Variants in LDHD observed in about 807,000 individuals in gnomAD.
The protein encoded by LDHD is lactate dehydrogenase D, also known as D-lactate dehydrogenase, mitochondrial.
LDHD carries 58 observed loss-of-function variants against 52.9 expected under a neutral mutation model. The ratio of observed to expected loss-of-function variants is 1.10; its 90% confidence interval spans 0.89 to 1.36. The LOEUF is 1.36. Among genes scored for constraint, LDHD ranks in the 40% most tolerant of loss-of-function variants. The pLI is 0.00. For missense variants in LDHD, 747 were observed against 668.0 expected (o/e 1.12, Z -1.30); for synonymous variants, 350 against 288.6 (o/e 1.21, Z -2.16).
In LDHD at chr16:75,114,649, G is replaced by A; in HGVS notation, c.506C>T (p.Ala169Val). Residue 169 changes from alanine to valine, a missense_variant, in exon 5 of 11, where the codon GCC (alanine) becomes GTC (valine). Physicochemically the swap from Ala to Val is moderately conservative, Grantham distance 64 (BLOSUM62 0). Transcript: ENST00000450168. ...GADASLCGMA[A>V]TGASGTNAVR... ...CGCGTTGGTCCCCGACGCCCCGGTG[G>A]CCGCCATGCCACAGAGAGAGGCGTC... The A allele has an allele frequency of 2.0e-6, 3 of 1,530,806 alleles. No individual in the cohort carries two copies. The highest frequency in any genetic ancestry group is 1.2e-5 in the South Asian group (1 of 83,992). 94.8% of individuals were successfully genotyped at this position (1,530,806 alleles called of 1,614,324 possible).
rs780425375 is a variant in LDHD at position 75,113,773 on chromosome 16, C to T, written c.927G>A (p.Gln309=). ...PTLFLEFHGS[Q]QALEEQLQRT... Reference sequence around the variant, plus strand: ...GCTGCAGCTGCTCCTCCAGTGCCTGCTGGGAGCCATGGAACTCCAGGAAGA... The same window carrying T: ...GCTGCAGCTGCTCCTCCAGTGCCTGTTGGGAGCCATGGAACTCCAGGAAGA... Residue 309 remains glutamine, a synonymous_variant, in exon 7 of 11, where the codon CAG becomes CAA. Coordinates refer to ENST00000450168, the MANE Select transcript of LDHD (RefSeq NM_194436.3). 38 of 1,613,852 alleles carry T rather than the reference C, an allele frequency of 2.4e-5. No individual in the cohort carries two copies. The highest frequency in any genetic ancestry group is 3.2e-5 in the Non-Finnish European group (38 of 1,180,030).
At chr16:75,116,292 G>T (rs1288553320) in intron 1 of LDHD, among the ~76,000 whole-genome samples, 1 of 151,974 alleles carries the variant, frequency 6.6e-6, no homozygotes, top group South Asian at 2.1e-4. Context: ...GGCGGGGCGC[G>T]GCGGGGCGGG....
rs2036427185 is a variant in LDHD at position 75,112,686 on chromosome 16, C to A, written c.1205G>T (p.Gly402Val). 6.2e-7 allele frequency: 1 copy of A among 1,613,942 alleles called. No homozygotes were observed. The highest frequency in any genetic ancestry group is 1.7e-5 in the Admixed American group (1 of 60,002). The change falls in exon 10 of 11, where the codon GGC (glycine) becomes GTC (valine). Residue 402 changes from glycine (G) to valine (V), a missense_variant. By Grantham distance (109) the Gly-to-Val change is moderately radical. Transcript: ENST00000450168. ...TGSIVGHVGD[G>V]NFHCILLVNP... The stretch of plus-strand genomic sequence containing the variant: ...GACCAGCAGGATGCAGTGGAAGTTG[C>A]CGTCACCCACATGCCCGACAATGCT...
Position 75,114,069 on chromosome 16 carries a change from G to A in LDHD, c.726C>T (p.Ala242=), listed in dbSNP as rs2036477612. Residue 242 remains alanine, a synonymous_variant, in exon 6 of 11, where the codon GCC becomes GCT. Coordinates refer to ENST00000450168, the MANE Select transcript of LDHD (RefSeq NM_194436.3). ...ACGTGGCGGCCACTGTGGCCTCAGGGGCAGGGTGCAGGCGCAGGGTGGTGG... is the reference window on the plus strand; with the variant it reads ...ACGTGGCGGCCACTGTGGCCTCAGGAGCAGGGTGCAGGCGCAGGGTGGTGG... ...ITATTLRLHP[A]PEATVAATCA... The A allele has an allele frequency of 1.2e-6, 2 of 1,611,210 alleles. No homozygotes were observed. The highest frequency in any genetic ancestry group is 1.6e-4 in the Middle Eastern group (1 of 6,062).
intron 8 of LDHD, 100 bp downstream of exon 8, chr16:75,113,435 T>C: frequency 7.1e-7 from 1 of 1,415,550 alleles, no homozygotes; most frequent in Non-Finnish European, 9.5e-7. Flanking sequence ...AGCCCCGTTG[T>C]TGAGGCTCAG....
chr16:75,112,738 T>G, intron 9 of LDHD, 25 bp from the exon 10 acceptor site: 2 of 1,607,548 alleles, frequency 1.2e-6, no homozygotes, highest in East Asian at 4.5e-5. Flanking sequence ...GACAGAACTA[T>G]TCTCCAGCCC....
Position 75,112,873 on chromosome 16 carries a change from C to A in LDHD, c.1138G>T (p.Val380Leu), listed in dbSNP as rs757901065. The stretch of plus-strand genomic sequence containing the variant: ...GCATTCAGATCCTCCTTGGTCTGCA[C>A]CACGATCTCCGGCAGCCGGGAGATG... ...VPISRLPEIV[V>L]QTKEDLNASG... is the part of the protein sequence containing the mutation. Residue 380 changes from valine (V) to leucine (L), a missense_variant, in exon 9 of 11, where the codon GTG becomes TTG. Physicochemically the swap from Val to Leu is conservative, Grantham distance 32. Coordinates refer to ENST00000450168, the MANE Select transcript of LDHD (RefSeq NM_194436.3). The A allele has an allele frequency of 6.2e-7, 1 of 1,613,428 alleles. No homozygotes were observed. The highest frequency in any genetic ancestry group is 2.2e-5 in the East Asian group (1 of 44,878).
chr16:75,115,331 G>A lies in LDHD; in HGVS notation c.194C>T (p.Pro65Leu). Residue 65 changes from proline (P) to leucine (L), a missense_variant, in exon 3 of 11, where the codon CCT becomes CTT. Pro to Leu is a moderately conservative substitution (Grantham distance 98). Transcript: ENST00000450168. ...GRDESVHRCE[P>L]PDAVVWPQNV... is the part of the protein sequence containing the mutation. ...CTGGGGCCACACCACAGCATCAGGAGGTTCGCACCTAGAACCAGACCCTCA... is the reference window on the plus strand; with the variant it reads ...CTGGGGCCACACCACAGCATCAGGAAGTTCGCACCTAGAACCAGACCCTCA... 1.2e-6 allele frequency: 2 copies of A among 1,613,608 alleles called. 1 individual carries two copies. Among genetic ancestry groups the A allele is most frequent in the Non-Finnish European group, 1.7e-6 (2 of 1,180,004 alleles).
Position 75,113,810 on chromosome 16 carries a change from A to T in LDHD, c.890T>A (p.Val297Glu). Residue 297 changes from valine to glutamate, a missense_variant, in exon 7 of 11, where the codon GTG (valine) becomes GAG (glutamate). By Grantham distance (121) the Val-to-Glu change is moderately radical. Transcript: ENST00000450168. ...GAACTCCAGGAAGAGTGTGGGCGCC[A>T]CTAAGCAATTCAGCTTGCTGTACCT... ...CNRYSKLNCL[V>E]APTLFLEFHG... 6.2e-7 allele frequency: 1 copy of T among 1,614,096 alleles called. No homozygotes were observed. The highest frequency in any genetic ancestry group is 1.1e-5 in the South Asian group (1 of 91,090).
Position 75,114,658 on chromosome 16 carries a change from C to T in LDHD, c.497G>A (p.Gly166Asp), listed in dbSNP as rs1324092235. 4.6e-6 allele frequency: 7 copies of T among 1,532,178 alleles called. No homozygotes were observed. In the East Asian group the frequency reaches 9.8e-5, roughly 21 times the overall value. The allele number at this position is 1,532,178 out of a possible 1,614,324, so 94.9% of individuals were successfully genotyped here. A position where few individuals can be genotyped will look rare whatever the true frequency, so the allele number is the denominator to read the frequency against. Reference sequence around the variant, plus strand: ...CCCCGACGCCCCGGTGGCCGCCATGCCACAGAGAGAGGCGTCCGCGCCTGG... The same window carrying T: ...CCCCGACGCCCCGGTGGCCGCCATGTCACAGAGAGAGGCGTCCGCGCCTGG... ...VDPGADASLC[G>D]MAATGASGTN... Residue 166 changes from glycine (G) to aspartate (D), a missense_variant, in exon 5 of 11, where the codon GGC becomes GAC. Coordinates refer to ENST00000450168, the MANE Select transcript of LDHD (RefSeq NM_194436.3).
rs1225132856 is a variant in LDHD, at chr16:75,114,977, G to A, written c.328-9C>T. ...TTAACGCAGACGCCGCCCTGGTTGG[G>A]GCAGGTGCTAAGACCACTGCAGACC... On this transcript the variant is annotated splice_polypyrimidine_tract_variant and intron_variant, in intron 3 of 10. Coordinates refer to ENST00000450168, the MANE Select transcript of LDHD (RefSeq NM_194436.3). 1.9e-6 allele frequency: 3 copies of A among 1,606,834 alleles called. No homozygotes were observed. Among genetic ancestry groups the A allele is most frequent in the Admixed American group, 3.4e-5 (2 of 59,138 alleles).
At position 75,114,139 on chromosome 16, in the gene LDHD, G is replaced by A. The variant is rs150668062; in HGVS notation, c.656C>T (p.Thr219Met). The A allele has an allele frequency of 8.7e-6, 14 of 1,612,684 alleles. No homozygotes were observed. Among genetic ancestry groups the A allele is most frequent in the Admixed American group, 1.7e-5 (1 of 60,006 alleles). Residue 219 changes from threonine to methionine, a missense_variant, in exon 6 of 11, where the codon ACG becomes ATG. Coordinates refer to ENST00000450168, the MANE Select transcript of LDHD (RefSeq NM_194436.3). ...CCCCTCGGAGCCCACGAAGAGCCCC[G>A]TGAGGTTGTAGCCGGCTGCACTCTT... ...FRKSAAGYNL[T>M]GLFVGSEGTL...
Position 75,113,974 on chromosome 16 carries a change from G to T in LDHD, c.821C>A (p.Ala274Asp). The T allele has an allele frequency of 6.3e-7, 1 of 1,599,642 alleles. No homozygotes were observed. ...CCCCATCCTCAGCTCACCAATGCGG[G>T]CTACGGGCACTGCAGCCTGGAGGAT... ...VHILQAAVPV[A>D]RIEFLDEVMM... The change falls in exon 6 of 11, where the codon GCC becomes GAC. Residue 274 changes from alanine (A) to aspartate (D), a missense_variant. Physicochemically the swap from Ala to Asp is moderately radical, Grantham distance 126. Transcript: ENST00000450168.
chr16:75,116,705 T>G lies in LDHD; in HGVS notation c.16A>C (p.Arg6=), dbSNP rs758126311. 1.3e-6 allele frequency: 2 copies of G among 1,595,278 alleles called. No individual in the cohort carries two copies. The highest frequency in any genetic ancestry group is 2.3e-5 in the South Asian group (2 of 87,996). ...GGGAACAGCTCCCAGGTTGCAGACCTGAGCAGTCGGGCCATAGCCAGGCAC... is the reference window on the plus strand; with the variant it reads ...GGGAACAGCTCCCAGGTTGCAGACCGGAGCAGTCGGGCCATAGCCAGGCAC... The part of the protein sequence containing the change: MARLL[R]SATWELFPWR... The change falls in exon 1 of 11, where the codon AGG becomes CGG. Residue 6 remains arginine, a synonymous_variant. Transcript: ENST00000450168.
At position 75,115,216 on chromosome 16, in the gene LDHD, A is replaced by G. The variant is rs2036520346; in HGVS notation, c.309T>C (p.Gly103=). 1.9e-6 allele frequency: 3 copies of G among 1,612,818 alleles called. No individual in the cohort carries two copies. The highest frequency in any genetic ancestry group is 2.5e-6 in the Non-Finnish European group (3 of 1,179,962). ...IPFGTGTGLE[G]GVCAVQGGVC... Reference sequence around the variant, plus strand: ...ACTGTACCTGCACAGCACAGACGCCACCCTCAAGCCCGGTGCCGGTGCCGA... The same window carrying G: ...ACTGTACCTGCACAGCACAGACGCCGCCCTCAAGCCCGGTGCCGGTGCCGA... The change falls in exon 3 of 11, where the codon GGT becomes GGC. Residue 103 remains glycine, a synonymous_variant. Coordinates refer to ENST00000450168, the MANE Select transcript of LDHD (RefSeq NM_194436.3).
In LDHD at chr16:75,112,266, C is replaced by G. The variant is rs896658190; in HGVS notation, c.*90G>C. 2.1e-6 allele frequency: 3 copies of G among 1,448,348 alleles called. No homozygotes were observed. The highest frequency in any genetic ancestry group is 2.8e-5 in the African/African-American group (2 of 70,904). 89.7% of individuals were successfully genotyped at this position (1,448,348 alleles called of 1,614,324 possible). A position where few individuals can be genotyped will look rare whatever the true frequency, so the allele number is the denominator to read the frequency against. On this transcript the variant is annotated 3_prime_UTR_variant, in exon 11 of 11. Transcript: ENST00000450168. Reference sequence around the variant, plus strand: ...GCTGGCAGGAAGACTGCCTCAGCATCTATTTCCTTGCAGGGGCCGTGGCAT... The same window carrying G: ...GCTGGCAGGAAGACTGCCTCAGCATGTATTTCCTTGCAGGGGCCGTGGCAT...
chr16:75,113,000 G>T, intron 8 of LDHD, 76 bp from the exon 9 acceptor site: 1 of 1,065,218 alleles, frequency 9.4e-7, no homozygotes, highest in Non-Finnish European at 1.4e-6. Flanking sequence ...GCTGAGGATG[G>T]GTCGGAGGGC....
chr16:75,116,121 C>T (rs1427680892), intron 1 of LDHD, among the ~76,000 whole-genome samples: 2 of 152,174 alleles, frequency 1.3e-5, no homozygotes, highest in Non-Finnish European at 2.9e-5. Flanking sequence ...CCAGCCTGAG[C>T]AACCGAAAAG....
rs2036402452 is a variant in LDHD, at chr16:75,111,975, C to T, written c.*381G>A. Reference sequence around the variant, plus strand: ...CATACCAGGAAAGGAGTGTTCCTGTCACCAGGTGAAGGGGGAAGGGTCCTG... The same window carrying T: ...CATACCAGGAAAGGAGTGTTCCTGTTACCAGGTGAAGGGGGAAGGGTCCTG... On this transcript the variant is annotated 3_prime_UTR_variant, in exon 11 of 11. Transcript: ENST00000450168. The T allele has an allele frequency of 5.1e-6, 1 of 196,400 alleles. No individual in the cohort carries two copies. The highest frequency in any genetic ancestry group is 1.0e-5 in the Non-Finnish European group (1 of 96,716). The allele number at this position is 196,400 out of a possible 1,614,324, so 12.2% of individuals were successfully genotyped here.
Sources: gnomAD v4.1 joint callset for allele counts (sites outside exome capture counted in the v4.1 genomes callset) on GRCh38, gnomAD v4.1.1 for gene constraint, MANE v1.5 for transcripts, NCBI Gene and HGNC (gene_info 2026-07-23, HGNC 2026-07-21) for gene names.